Variants in CASK observed in about 807,000 individuals in gnomAD.
CASK encodes peripheral plasma membrane protein CASK.
In CASK, 4 loss-of-function variants were observed where a neutral mutation model predicts 82.9. The observed-to-expected ratio is 0.05, with a 90% CI of 0.02 to 0.11. The LOEUF (loss-of-function observed/expected upper bound fraction) is 0.11, where lower values mean the gene tolerates loss of function less well. Among genes scored for constraint, CASK ranks in the 10% least tolerant of loss-of-function variants. The pLI is 1.00. For missense variants in CASK, 358 were observed against 720.9 expected, an observed-to-expected ratio of 0.50 and a Z score of 5.76; for synonymous variants, 259 against 253.5, an observed-to-expected ratio of 1.02 and a Z score of -0.20.
At chrX:41,569,601 T>A in intron 16 of CASK, 67 bp downstream of exon 16, 2 of 787,799 alleles carry the variant, frequency 2.5e-6, no homozygotes, top group Admixed American at 2.4e-5. Context: ...ACAAAAACAT[T>A]TTCTTCACTA....
chrX:41,810,057 C>G (rs758418063), intron 2 of CASK, among the ~76,000 whole-genome samples: 2 of 111,660 alleles, frequency 1.8e-5, no homozygotes, highest in East Asian at 5.6e-4. Flanking sequence ...TAAAAAGAAA[C>G]GAACAAAGCC....
Position 41,573,943 on chromosome X carries a change from G to A in CASK, c.1504-4197C>T, listed in dbSNP as rs943128379. On this transcript the variant is annotated intron_variant, in intron 15 of 26. Transcript: ENST00000378163. The stretch of plus-strand genomic sequence containing the variant: ...GACTTCCCTGAGCGCTCTACACAAT[G>A]AGCCATGAATTAGAAATTTTTCTAG... Among the ~76,000 whole-genome samples, 7 of 111,324 alleles carry A rather than the reference G, an allele frequency of 6.3e-5. No homozygotes were observed. The South Asian group carries it at 2.3e-3, about 36-fold the overall frequency.
intron 1 of CASK, among the ~76,000 whole-genome samples, chrX:41,859,777 C>A (rs2071442173): frequency 9.0e-6 from 1 of 111,054 alleles, no homozygotes; most frequent in Non-Finnish European, 1.9e-5. Context: ...ATATTACATG[C>A]AGTATCTTTA....
chrX:41,588,883 A>G (rs1489129146), intron 13 of CASK, among the ~76,000 whole-genome samples: 1 of 111,755 alleles, frequency 8.9e-6, no homozygotes, highest in Non-Finnish European at 1.9e-5. Flanking sequence ...TGCTTATTAT[A>G]TAACGGTAGG....
At chrX:41,721,698 T>C (rs1477839884) in intron 5 of CASK, among the ~76,000 whole-genome samples, 2 of 111,989 alleles carry the variant, frequency 1.8e-5, no homozygotes, top group African/African-American at 3.2e-5. Context: ...AGGCAAGCTA[T>C]TTAACCTCTT....
At chrX:41,632,876 G>A (rs900463309) in intron 9 of CASK, among the ~76,000 whole-genome samples, 7 of 109,423 alleles carry the variant, frequency 6.4e-5, no homozygotes, top group African/African-American at 9.9e-5. Flanking sequence ...GTGAAATCCC[G>A]TCTCTACTAA....
chrX:41,676,256 C>T (rs902659581), intron 5 of CASK: 36 of 1,188,697 alleles, frequency 3.0e-5, no homozygotes, highest in South Asian at 7.1e-5. Context: ...TCTGTATTCT[C>T]GAGCCATCTG....
chrX:41,600,394 G>A (rs2065876817), intron 12 of CASK, among the ~76,000 whole-genome samples: 2 of 112,461 alleles, frequency 1.8e-5, no homozygotes, highest in Admixed American at 1.9e-4. Context: ...TTCTTTAACT[G>A]AGCATATCAC....
At chrX:41,903,436 CAG>C (rs1302018592) in intron 1 of CASK, among the ~76,000 whole-genome samples, 2 of 111,937 alleles carry the variant, frequency 1.8e-5, no homozygotes, top group Non-Finnish European at 3.8e-5. Flanking sequence ...AACAATGTAA[CAG>C]AGATTATGTA....
At chrX:41,788,010 A>G (rs1227111174) in intron 2 of CASK, among the ~76,000 whole-genome samples, 1 of 109,688 alleles carries the variant, frequency 9.1e-6, no homozygotes, top group Non-Finnish European at 1.9e-5. Context: ...GTAAAAAATT[A>G]GCCGGGCATG....
chrX:41,653,550 T>A (rs2066893009), intron 8 of CASK, among the ~76,000 whole-genome samples: 1 of 111,856 alleles, frequency 8.9e-6, no homozygotes, highest in African/African-American at 3.3e-5. Flanking sequence ...TTTCAGTCTA[T>A]CTGAGCCCAG....
intron 3 of CASK, among the ~76,000 whole-genome samples, chrX:41,747,316 GCAC>G (rs1249399846): frequency 1.8e-5 from 2 of 111,332 alleles, no homozygotes; most frequent in Non-Finnish European, 3.8e-5. Flanking sequence ...TAGTATGGCA[GCAC>G]TCATTTTCCA....
At chrX:41,569,787 A>G (rs368916108) in intron 15 of CASK, 41 bp from the exon 16 acceptor site, 69 of 778,013 alleles carry the variant, frequency 8.9e-5, no homozygotes, top group Non-Finnish European at 1.2e-4. Context: ...AAGTAGAATT[A>G]CTATGACAGT....
intron 2 of CASK, among the ~76,000 whole-genome samples, chrX:41,840,163 C>T (rs1445571559): frequency 8.9e-6 from 1 of 112,077 alleles, no homozygotes; most frequent in Non-Finnish European, 1.9e-5. Context: ...ATCTACAGAT[C>T]AAGTTGGTAA....
At chrX:41,841,511 GTTTTT>G (rs1193063113) in intron 2 of CASK, among the ~76,000 whole-genome samples, 1 of 80,215 alleles carries the variant, frequency 1.2e-5, no homozygotes, top group African/African-American at 4.5e-5. Flanking sequence ...TTTCCTTTTT[GTTTTT>G]TTTTTTTTTT....
At chrX:41,776,212 G>C (rs1053220427) in intron 3 of CASK, among the ~76,000 whole-genome samples, 24 of 111,937 alleles carry the variant, frequency 2.1e-4, no homozygotes, top group African/African-American at 6.8e-4. Context: ...CACCACAAAC[G>C]TGAGTGATGT....
In CASK at chrX:41,561,540, A is replaced by G. The variant is rs2065228231; in HGVS notation, c.1668+19T>C. ...AGTAAAAGTCAATTTTAGGAAAGGA[A>G]AAACTTTCATTTACTTACAAGCATT... On this transcript the variant is annotated intron_variant, in intron 17 of 26. Coordinates refer to ENST00000378163, the MANE Select transcript of CASK (RefSeq NM_001367721.1). 8.9e-7 allele frequency: 1 copy of G among 1,128,245 alleles called. No homozygotes were observed. The highest frequency in any genetic ancestry group is 2.2e-5 in the Admixed American group (1 of 45,533). 93.0% of individuals were successfully genotyped at this position (1,128,245 alleles called of 1,213,427 possible).
At chrX:41,842,703 G>A (rs1452914211) in intron 2 of CASK, among the ~76,000 whole-genome samples, 2 of 111,186 alleles carry the variant, frequency 1.8e-5, no homozygotes, top group Non-Finnish European at 3.8e-5. Flanking sequence ...GTCAATTTTT[G>A]CAAAAAGCGC....
intron 2 of CASK, among the ~76,000 whole-genome samples, chrX:41,809,245 T>G (rs1286100123): frequency 8.9e-6 from 1 of 111,991 alleles, no homozygotes; most frequent in African/African-American, 3.2e-5. Context: ...ACAGTAGTGG[T>G]TCTCCCAGCA....
Sources: allele counts gnomAD v4.1 joint callset (sites outside exome capture counted in the v4.1 genomes callset), GRCh38; gene constraint gnomAD v4.1.1; transcripts MANE v1.5; gene names NCBI Gene and HGNC (gene_info 2026-07-23, HGNC 2026-07-21).